MTMR7: variants seen among roughly 807,000 people sequenced by gnomAD.
MTMR7 encodes the protein myotubularin related protein 7, also known as phosphatidylinositol-3-phosphate phosphatase MTMR7.
Under a neutral mutation model 81.2 loss-of-function variants are expected in MTMR7, and 76 were observed. The ratio of observed to expected loss-of-function variants is 0.94; its 90% CI spans 0.78 to 1.13. MTMR7 has a LOEUF of 1.13. Ranked by LOEUF, MTMR7 falls within the 50% of genes most tolerant of loss-of-function variation. The pLI is 0.00. For missense variants in MTMR7, 1,044 were observed against 820.0 expected (o/e 1.27, Z -3.34); for synonymous variants, 372 against 289.8 (o/e 1.28, Z -2.88).
intron 1 of MTMR7, among the ~76,000 whole-genome samples, chr8:17,413,007 G>A (rs919976702): frequency 2.0e-5 from 3 of 152,194 alleles, no homozygotes; most frequent in African/African-American, 7.2e-5. Context: ...GTTCCCTCCC[G>A]TTCACCCTTG....
chr8:17,381,696 A>G (rs1213763761), intron 1 of MTMR7, among the ~76,000 whole-genome samples: 1 of 152,208 alleles, frequency 6.6e-6, no homozygotes. Flanking sequence ...CTGGGGGAAG[A>G]GATCCAGGGA....
chr8:17,400,686 T>G (rs902530791), intron 1 of MTMR7, among the ~76,000 whole-genome samples: 4 of 152,234 alleles, frequency 2.6e-5, no homozygotes, highest in African/African-American at 9.6e-5. Flanking sequence ...GTCAGACTTT[T>G]ATTGCACAAT....
chr8:17,298,563 C>G lies in MTMR7; in HGVS notation c.*1299G>C, dbSNP rs911657821. ...CTCCCATTAAAAAAAATCAGATATT[C>G]AAAATATTGATGTAAATTGTAAAGT... On this transcript the variant is annotated 3_prime_UTR_variant, in exon 14 of 14. Coordinates refer to ENST00000180173, the MANE Select transcript of MTMR7 (RefSeq NM_004686.5). The G allele has an allele frequency of 2.6e-5, 4 of 152,366 alleles. No individual in the cohort carries two copies. Among genetic ancestry groups the G allele is most frequent in the African/African-American group, 9.7e-5 (4 of 41,390 alleles). The allele number at this position is 152,366 out of a possible 1,614,324, so 9.4% of individuals were successfully genotyped here.
chr8:17,307,459 A>G (rs1294757348), intron 10 of MTMR7, among the ~76,000 whole-genome samples: 1 of 152,170 alleles, frequency 6.6e-6, no homozygotes, highest in Non-Finnish European at 1.5e-5. Context: ...TAGTTCAACC[A>G]TTGTGGAAGT....
chr8:17,405,554 T>G (rs1235676464), intron 1 of MTMR7, among the ~76,000 whole-genome samples: 3 of 152,132 alleles, frequency 2.0e-5, no homozygotes, highest in Non-Finnish European at 4.4e-5. Context: ...TTATCTTTAT[T>G]ACCCCGGACA....
Position 17,400,314 on chromosome 8 carries a change from TC to T in MTMR7, c.24+12954del, listed in dbSNP as rs1661492317. Among the ~76,000 whole-genome samples the T allele has an allele frequency of 2.0e-5, 3 of 152,332 alleles. No individual in the cohort carries two copies. In the South Asian group the frequency reaches 6.2e-4, roughly 32 times the overall value. Reference sequence around the variant, plus strand: ...CCCTAAGAGGTGAGTACTGTTGTTATCCCCATTTCACAGATGAGGAAACTAA... The same window carrying T: ...CCCTAAGAGGTGAGTACTGTTGTTATCCCATTTCACAGATGAGGAAACTAA... On this transcript the variant is annotated intron_variant, in intron 1 of 13. Coordinates refer to ENST00000180173, the MANE Select transcript of MTMR7 (RefSeq NM_004686.5).
intron 10 of MTMR7, among the ~76,000 whole-genome samples, chr8:17,307,018 C>G (rs1190082980): frequency 1.3e-5 from 2 of 152,120 alleles, no homozygotes; most frequent in Non-Finnish European, 2.9e-5. Context: ...GCAATGGCAG[C>G]AAAAGACAAA....
chr8:17,367,666 C>T (rs958780872), intron 3 of MTMR7, among the ~76,000 whole-genome samples: 11 of 152,134 alleles, frequency 7.2e-5, no homozygotes, highest in Non-Finnish European at 1.6e-4. Context: ...TTACCTTATA[C>T]CAGAAATCCT....
At chr8:17,312,574 CAAAAAAAAAAAAAA>C (rs10617081) in intron 8 of MTMR7, among the ~76,000 whole-genome samples, 5 of 87,252 alleles carry the variant, frequency 5.7e-5, no homozygotes, top group Non-Finnish European at 8.6e-5. Context: ...GACTCCCTCT[CAAAAAAAAAAAAAA>C]AAAAAAAAAA....
chr8:17,351,801 G>C (rs1819736850), intron 4 of MTMR7, among the ~76,000 whole-genome samples: 1 of 152,208 alleles, frequency 6.6e-6, no homozygotes, highest in African/African-American at 2.4e-5. Context: ...AGCAGATTTA[G>C]GGTGTCAGTT....
At chr8:17,325,950 C>G (rs1234800163) in intron 7 of MTMR7, among the ~76,000 whole-genome samples, 1 of 152,184 alleles carries the variant, frequency 6.6e-6, no homozygotes, top group Non-Finnish European at 1.5e-5. Context: ...AGAAAGCATA[C>G]CCACCTTACA....
chr8:17,329,906 G>A (rs1038207379), intron 7 of MTMR7, among the ~76,000 whole-genome samples: 2 of 152,182 alleles, frequency 1.3e-5, no homozygotes, highest in East Asian at 1.9e-4. Context: ...ATTATGTACA[G>A]AAGATGGAAA....
rs1209374930 is a variant in MTMR7, at chr8:17,297,710, T to TATTA, written c.*2148_*2151dup. The TATTA allele has an allele frequency of 6.6e-6, 1 of 152,068 alleles. No homozygotes were observed. The highest frequency in any genetic ancestry group is 2.4e-5 in the African/African-American group (1 of 41,464). 9.4% of individuals were successfully genotyped at this position (152,068 alleles called of 1,614,324 possible). A position where few individuals can be genotyped will look rare whatever the true frequency, so the allele number is the denominator to read the frequency against. On this transcript the variant is annotated 3_prime_UTR_variant, in exon 14 of 14. Coordinates refer to ENST00000180173, the MANE Select transcript of MTMR7 (RefSeq NM_004686.5). ...AAACACTTCCTGATTAATGTTTGAT[T>TATTA]ATTAGATATTTTAGTCTTGTTGGGG...
At chr8:17,395,035 C>A (rs545411242) in intron 1 of MTMR7, among the ~76,000 whole-genome samples, 2 of 152,266 alleles carry the variant, frequency 1.3e-5, no homozygotes, top group South Asian at 4.2e-4. Context: ...ACTTTCTCAA[C>A]CCCTGAAACA....
chr8:17,407,304 C>T (rs1821616372), intron 1 of MTMR7, among the ~76,000 whole-genome samples: 1 of 152,118 alleles, frequency 6.6e-6, no homozygotes, highest in South Asian at 2.1e-4. Context: ...GTGCTATTCT[C>T]CCCTTTAAAT....
intron 1 of MTMR7, among the ~76,000 whole-genome samples, chr8:17,410,402 T>G (rs1254874407): frequency 6.7e-6 from 1 of 148,792 alleles, no homozygotes; most frequent in African/African-American, 2.4e-5. Context: ...CCAGGAGCCC[T>G]GAAGTCTTTT....
chr8:17,353,697 C>A (rs1332953980), intron 4 of MTMR7, among the ~76,000 whole-genome samples: 3 of 152,210 alleles, frequency 2.0e-5, no homozygotes, highest in Non-Finnish European at 2.9e-5. Flanking sequence ...CCTGAATTTT[C>A]TTTACATGCA....
intron 13 of MTMR7, among the ~76,000 whole-genome samples, chr8:17,301,182 T>G (rs1237389936): frequency 1.3e-5 from 2 of 152,160 alleles, no homozygotes; most frequent in Non-Finnish European, 2.9e-5. Flanking sequence ...GGAAAAGAGA[T>G]AGATAAATAC....
At chr8:17,386,202 C>T (rs372382065) in intron 1 of MTMR7, among the ~76,000 whole-genome samples, 1 of 151,980 alleles carries the variant, frequency 6.6e-6, no homozygotes, top group South Asian at 2.1e-4. Flanking sequence ...GCAGTGAGAC[C>T]CTGTCTCTAC....
Sources: allele counts gnomAD v4.1 joint callset (sites outside exome capture counted in the v4.1 genomes callset), GRCh38; gene constraint gnomAD v4.1.1; transcripts MANE v1.5; gene names NCBI Gene and HGNC (gene_info 2026-07-23, HGNC 2026-07-21).